CPS1: variants seen among roughly 807,000 people sequenced by gnomAD.
CPS1 encodes the protein carbamoyl-phosphate synthase 1, also known as carbamoyl-phosphate synthase [ammonia], mitochondrial.
CPS1 carries 109 observed loss-of-function variants against 174.6 expected under a neutral mutation model. The observed-to-expected ratio is 0.62, with a 90% CI of 0.53 to 0.73. CPS1 has a LOEUF of 0.73. Among genes scored for constraint, CPS1 ranks in the 30% least tolerant of loss-of-function variants. The pLI, the probability that CPS1 is intolerant of heterozygous loss-of-function variation, is 0.00. For synonymous variants in CPS1, 637 were observed against 632.0 expected (o/e 1.01, Z -0.12); for missense variants, 1,689 against 1,821.9 (o/e 0.93, Z 1.33).
chr2:210,483,407 C>G (rs1694629823), intron 1 of CPS1, among the ~76,000 whole-genome samples: 3 of 152,186 alleles, frequency 2.0e-5, no homozygotes, highest in African/African-American at 7.2e-5. Flanking sequence ...TACTACTCAT[C>G]CCTCTTACAT....
intron 20 of CPS1, 86 bp from the exon 21 acceptor site, chr2:210,616,337 A>G (rs1699303581): frequency 1.1e-6 from 1 of 883,546 alleles, no homozygotes; most frequent in African/African-American, 1.6e-5. Flanking sequence ...AATAACACAC[A>G]GAGGCATGAC....
intron 1 of CPS1, among the ~76,000 whole-genome samples, chr2:210,545,086 G>C (rs1015099235): frequency 1.3e-5 from 2 of 152,028 alleles, no homozygotes; most frequent in Non-Finnish European, 2.9e-5. Context: ...GAGTGGAGTA[G>C]TTCTTTTCCC....
intron 1 of CPS1, among the ~76,000 whole-genome samples, chr2:210,550,643 G>T (rs1219621102): frequency 6.6e-6 from 1 of 151,872 alleles, no homozygotes; most frequent in Non-Finnish European, 1.5e-5. Flanking sequence ...GGAGCCAATA[G>T]AACAGATTTA....
intron 28 of CPS1, among the ~76,000 whole-genome samples, chr2:210,653,203 G>A (rs1407824293): frequency 2.0e-5 from 3 of 152,102 alleles, no homozygotes; most frequent in Non-Finnish European, 4.4e-5. Context: ...GTGAATGCAG[G>A]GCCTGGTAAA....
chr2:210,650,879 T>TC (rs397869261), intron 28 of CPS1, among the ~76,000 whole-genome samples: 1 of 35,820 alleles, frequency 2.8e-5, no homozygotes, highest in African/African-American at 1.0e-4. Context: ...GAACTTTGCC[T>TC]AGTCAAACAT....
chr2:210,543,053 C>T (rs1393340899), intron 1 of CPS1, among the ~76,000 whole-genome samples: 1 of 152,054 alleles, frequency 6.6e-6, no homozygotes, highest in Admixed American at 6.6e-5. Context: ...GGGTTAGTCC[C>T]TGGGAAAGGT....
intron 21 of CPS1, chr2:210,631,321 T>G (rs1699863153): frequency 6.6e-6 from 1 of 152,206 alleles, no homozygotes; most frequent in Admixed American, 6.5e-5. Flanking sequence ...ATTTATTCCA[T>G]TTCCTTTTAT....
chr2:210,486,699 AG>A (rs748459558), intron 1 of CPS1, among the ~76,000 whole-genome samples: 1 of 152,192 alleles, frequency 6.6e-6, no homozygotes, highest in Non-Finnish European at 1.5e-5. Context: ...CATTAGAGAC[AG>A]GGTTTCTCCA....
At chr2:210,567,380 AATT>A (rs1697337874) in intron 1 of CPS1, among the ~76,000 whole-genome samples, 1 of 152,154 alleles carries the variant, frequency 6.6e-6, no homozygotes, top group Non-Finnish European at 1.5e-5. Flanking sequence ...ATAGAGGGAG[AATT>A]ATTATTAGTT....
At chr2:210,624,047 T>C (rs992300217) in intron 21 of CPS1, among the ~76,000 whole-genome samples, 4 of 152,136 alleles carry the variant, frequency 2.6e-5, no homozygotes, top group African/African-American at 7.2e-5. Flanking sequence ...TAATATAACA[T>C]ATAATCACAT....
chr2:210,582,194 T>A (rs1218460666), intron 5 of CPS1, among the ~76,000 whole-genome samples: 1 of 152,204 alleles, frequency 6.6e-6, no homozygotes, highest in Non-Finnish European at 1.5e-5. Flanking sequence ...TCATAATGAA[T>A]GAATTCCCGC....
intron 1 of CPS1, among the ~76,000 whole-genome samples, chr2:210,490,719 G>A (rs1694854585): frequency 6.6e-6 from 1 of 152,166 alleles, no homozygotes; most frequent in Admixed American, 6.5e-5. Flanking sequence ...GGATTTCTTG[G>A]GAAATGAATC....
Position 210,636,682 on chromosome 2 carries a change from C to G in CPS1, c.2688-1020C>G, listed in dbSNP as rs572343174. ...ATGATTCTATGTCCATCGTTCCAAG[C>G]AAAAGAGGCAGTAAAAAGCACAAGA... On this transcript the variant is annotated intron_variant, in intron 21 of 37. Coordinates refer to ENST00000233072, the MANE Select transcript of CPS1 (RefSeq NM_001875.5). 2.0e-5 allele frequency among the ~76,000 whole-genome samples: 3 copies of G among 151,836 alleles called. No homozygotes were observed. The South Asian group carries it at 6.2e-4, about 31-fold the overall frequency.
intron 13 of CPS1, among the ~76,000 whole-genome samples, chr2:210,598,462 TACCCATCTCACATGTAGTGAC>T (rs1698576966): frequency 6.6e-6 from 1 of 151,562 alleles, no homozygotes; most frequent in African/African-American, 2.4e-5. Flanking sequence ...GTCTTCAAGA[TACCCATCTCACATGTAGTGAC>T]ACCCATGCGC....
chr2:210,621,622 C>A (rs147689569), intron 21 of CPS1, among the ~76,000 whole-genome samples: 1 of 152,134 alleles, frequency 6.6e-6, no homozygotes, highest in East Asian at 1.9e-4. Flanking sequence ...ACCTATAGTT[C>A]TTTTTTCCAT....
intron 21 of CPS1, chr2:210,619,670 A>T (rs1439937889): frequency 6.6e-6 from 1 of 152,126 alleles, no homozygotes; most frequent in African/African-American, 2.4e-5. Flanking sequence ...TACGATGCAA[A>T]TGCTATTCTT....
chr2:210,512,724 C>A (rs1695531111), intron 1 of CPS1, among the ~76,000 whole-genome samples: 2 of 98,542 alleles, frequency 2.0e-5, no homozygotes, highest in African/African-American at 7.3e-5. Flanking sequence ...ACATACATAT[C>A]CTCCAGTAGT....
chr2:210,623,520 C>G (rs965183693), intron 21 of CPS1, among the ~76,000 whole-genome samples: 7 of 151,918 alleles, frequency 4.6e-5, no homozygotes, highest in African/African-American at 1.7e-4. Flanking sequence ...GAGTAAAGTG[C>G]ACTTTTCAAG....
At chr2:210,514,207 T>C (rs1413936050) in intron 1 of CPS1, among the ~76,000 whole-genome samples, 1 of 151,980 alleles carries the variant, frequency 6.6e-6, no homozygotes, top group Non-Finnish European at 1.5e-5. Flanking sequence ...TAGTTTCTTC[T>C]AGTTCTGTAA....
Sources: allele counts gnomAD v4.1 joint callset (sites outside exome capture counted in the v4.1 genomes callset), GRCh38; gene constraint gnomAD v4.1.1; transcripts MANE v1.5; gene names NCBI Gene and HGNC (gene_info 2026-07-23, HGNC 2026-07-21).